Variants in KRABD2 observed in about 807,000 individuals in gnomAD.
KRABD2 encodes the protein KRAB domain-containing protein 2.
the KRABD2 span, chr17:8,371,567 G>A: frequency 6.4e-7 from 1 of 1,555,886 alleles, no homozygotes. Context: ...CGAGTCAGGT[G>A]AATAAATGGA....
chr17:8,359,551 A>G, the KRABD2 span: 1 of 455,972 alleles, frequency 2.2e-6, no homozygotes, highest in East Asian at 6.9e-5. Flanking sequence ...GTGCTTATAA[A>G]TGTCCAATGA....
the KRABD2 span, chr17:8,369,416 G>A: frequency 5.0e-5 from 80 of 1,614,084 alleles, 1 homozygote; most frequent in South Asian, 6.1e-4. Flanking sequence ...AGGAAACGTC[G>A]AAAGCCTGAT....
At chr17:8,376,550 T>C in the KRABD2 span, 3 of 987,568 alleles carry the variant, frequency 3.0e-6, no homozygotes, top group African/African-American at 3.5e-5. Context: ...CCTGGATCCA[T>C]GCCCGTCCAC....
chr17:8,361,446 C>A, the KRABD2 span, among the ~76,000 whole-genome samples: 1 of 152,340 alleles, frequency 6.6e-6, no homozygotes, highest in Admixed American at 6.5e-5. Flanking sequence ...TGCCACCCCA[C>A]ACAAAACAAG....
At chr17:8,376,205 A>G in the KRABD2 span, 1 of 1,231,536 alleles carries the variant, frequency 8.1e-7, no homozygotes, top group Admixed American at 4.2e-5. Context: ...CATTTTGTCA[A>G]AAATGTCGCT....
the KRABD2 span, among the ~76,000 whole-genome samples, chr17:8,358,977 T>C: frequency 1.3e-5 from 2 of 152,208 alleles, no homozygotes; most frequent in African/African-American, 2.4e-5. Context: ...ATGATGCTCA[T>C]TGTAATAAAA....
At chr17:8,363,851 ATATATATATATTTATTTATT>A in the KRABD2 span, among the ~76,000 whole-genome samples, 776 of 84,504 alleles carry the variant, frequency 9.2e-3, 24 homozygotes, top group African/African-American at 0.036. Context: ...ATATATATAT[ATATATATATATTTATTTATT>A]TATTTATTTA....
chr17:8,359,767 G>C, the KRABD2 span: 1 of 456,026 alleles, frequency 2.2e-6, no homozygotes, highest in African/African-American at 2.0e-5. Context: ...TCAGGACTGG[G>C]AGCCAGCTGT....
At chr17:8,369,473 G>C in the KRABD2 span, 1 of 1,614,034 alleles carries the variant, frequency 6.2e-7, no homozygotes, top group Non-Finnish European at 8.5e-7. Flanking sequence ...AGTGACATGA[G>C]TGGTTACTCT....
the KRABD2 span, among the ~76,000 whole-genome samples, chr17:8,370,550 A>G: frequency 1.3e-5 from 2 of 152,244 alleles, no homozygotes; most frequent in Admixed American, 1.3e-4. Flanking sequence ...AAAGCCAACT[A>G]GCACCATCCA....
chr17:8,362,425 C>T, the KRABD2 span, among the ~76,000 whole-genome samples: 49 of 152,256 alleles, frequency 3.2e-4, 1 homozygote, highest in African/African-American at 1.1e-3. The surrounding 1 kb of genome is among the most constrained non-coding windows in gnomAD (Gnocchi z 4.2). Context: ...CAGAGCTTTA[C>T]TTCTGGAAGA....
the KRABD2 span, among the ~76,000 whole-genome samples, chr17:8,360,182 GAAC>G: frequency 6.6e-6 from 1 of 151,984 alleles, no homozygotes; most frequent in Non-Finnish European, 1.5e-5. Flanking sequence ...AAATTACATA[GAAC>G]AATAAGATTT....
chr17:8,376,029 A>G, the KRABD2 span: 455 of 1,231,622 alleles, frequency 3.7e-4, no homozygotes, highest in African/African-American at 6.3e-3. Context: ...TCTCTCCTTC[A>G]TCTCAACAAC....
chr17:8,372,203 A>G, the KRABD2 span: 3 of 233,638 alleles, frequency 1.3e-5, no homozygotes, highest in Admixed American at 2.0e-4. The surrounding 1 kb of genome is among the most constrained non-coding windows in gnomAD (Gnocchi z 4.1). Flanking sequence ...CTTCCTCAGC[A>G]TTGCTAGTTA....
the KRABD2 span, among the ~76,000 whole-genome samples, chr17:8,365,156 C>T: frequency 2.4e-4 from 36 of 152,094 alleles, no homozygotes; most frequent in South Asian, 1.9e-3. Context: ...CAGACTGGGT[C>T]CAGGAATCCA....
chr17:8,365,389 C>T, the KRABD2 span, among the ~76,000 whole-genome samples: 2 of 152,102 alleles, frequency 1.3e-5, no homozygotes, highest in Non-Finnish European at 2.9e-5. Flanking sequence ...CAAAGTTGGA[C>T]CTCCCAGACC....
At chr17:8,364,807 G>A in the KRABD2 span, among the ~76,000 whole-genome samples, 1 of 152,136 alleles carries the variant, frequency 6.6e-6, no homozygotes, top group African/African-American at 2.4e-5. This position sits in a 1 kb window ranked among gnomAD's most constrained non-coding sequence, Gnocchi z 4.4. Flanking sequence ...GCCAAGGTGG[G>A]TGGATCACCT....
At chr17:8,359,884 C>G in the KRABD2 span, 1 of 450,650 alleles carries the variant, frequency 2.2e-6, no homozygotes, top group Non-Finnish European at 4.4e-6. Context: ...GAAAGAGAGG[C>G]AAAAACAAGA....
chr17:8,363,527 T>C, the KRABD2 span, among the ~76,000 whole-genome samples: 1 of 151,902 alleles, frequency 6.6e-6, no homozygotes, highest in Non-Finnish European at 1.5e-5. Flanking sequence ...TTTGTATTTT[T>C]AGTAGAGATG....
Sources: allele counts gnomAD v4.1 joint callset (sites outside exome capture counted in the v4.1 genomes callset), GRCh38; gene constraint gnomAD v4.1.1; non-coding constraint Gnocchi (gnomAD v3.1); transcripts MANE v1.5; gene names NCBI Gene and HGNC (gene_info 2026-07-23, HGNC 2026-07-21).